PTPRD: variants seen among roughly 807,000 people sequenced by gnomAD.
The protein encoded by PTPRD is protein tyrosine phosphatase receptor type D.
A neutral mutation model predicts 214.5 loss-of-function variants in PTPRD; 34 were observed. That is an observed-to-expected ratio of 0.16 (90% confidence interval 0.12 to 0.21). The LOEUF (loss-of-function observed/expected upper bound fraction) is 0.21. Among genes scored for constraint, PTPRD ranks in the 10% least tolerant of loss-of-function variants. The probability of loss-of-function intolerance (pLI) is 1.00; values close to 1 mark genes in which losing one functional copy is unlikely to be tolerated. For missense variants in PTPRD, 2,545 were observed against 2,398.7 expected, an observed-to-expected ratio of 1.06 and a Z score of -1.27; for synonymous variants, 1,128 against 845.7, an observed-to-expected ratio of 1.33 and a Z score of -5.79.
intron 9 of PTPRD, among the ~76,000 whole-genome samples, chr9:9,230,174 TG>T (rs1436803467): frequency 6.6e-6 from 1 of 151,944 alleles, no homozygotes; most frequent in Admixed American, 6.6e-5. Context: ...AATGAGACAA[TG>T]GGGGTGGGTG....
intron 3 of PTPRD, among the ~76,000 whole-genome samples, chr9:10,163,960 G>A (rs912181740): frequency 1.3e-5 from 2 of 151,310 alleles, no homozygotes; most frequent in Admixed American, 1.3e-4. Flanking sequence ...AAGTAAATGT[G>A]TATTGTAGTC....
At chr9:10,156,768 A>G (rs2099095907) in intron 3 of PTPRD, among the ~76,000 whole-genome samples, 1 of 152,144 alleles carries the variant, frequency 6.6e-6, no homozygotes, top group Non-Finnish European at 1.5e-5. Context: ...ATGGGAGTCT[A>G]AGTCTCTTGG....
At chr9:8,686,142 A>G (rs2097676661) in intron 12 of PTPRD, among the ~76,000 whole-genome samples, 2 of 152,258 alleles carry the variant, frequency 1.3e-5, no homozygotes, top group African/African-American at 4.8e-5. Context: ...ACAGCGTACA[A>G]TATGACTCAA....
intron 9 of PTPRD, among the ~76,000 whole-genome samples, chr9:9,372,620 G>A (rs1358539501): frequency 6.6e-6 from 1 of 152,036 alleles, no homozygotes; most frequent in Non-Finnish European, 1.5e-5. Context: ...TACGTTTAAG[G>A]TTAATATTGT....
chr9:9,664,710 A>G (rs948549801), intron 7 of PTPRD, among the ~76,000 whole-genome samples: 3 of 151,708 alleles, frequency 2.0e-5, no homozygotes, highest in Non-Finnish European at 4.4e-5. Context: ...AAGTATTATT[A>G]CTTAAGCAGA....
chr9:8,968,890 C>T (rs938183346), intron 11 of PTPRD, among the ~76,000 whole-genome samples: 4 of 152,008 alleles, frequency 2.6e-5, no homozygotes, highest in African/African-American at 9.7e-5. Context: ...GATTTTTATT[C>T]ACTGAAGATT....
chr9:9,325,381 G>A (rs1445936539), intron 9 of PTPRD, among the ~76,000 whole-genome samples: 1 of 152,114 alleles, frequency 6.6e-6, no homozygotes, highest in Non-Finnish European at 1.5e-5. Context: ...GCAGTGGTTT[G>A]TAGTTCTCCT....
intron 3 of PTPRD, among the ~76,000 whole-genome samples, chr9:10,258,975 T>C (rs1356488008): frequency 6.6e-6 from 1 of 152,170 alleles, no homozygotes; most frequent in South Asian, 2.1e-4. Flanking sequence ...TTTAAAGGTA[T>C]CTGTTTCTGT....
intron 10 of PTPRD, among the ~76,000 whole-genome samples, chr9:9,098,433 G>C (rs755137488): frequency 6.6e-6 from 1 of 152,046 alleles, no homozygotes; most frequent in African/African-American, 2.4e-5. Flanking sequence ...ATTTTTAGTA[G>C]AGACAGGGTT....
At chr9:9,828,868 G>A (rs2053883833) in intron 5 of PTPRD, among the ~76,000 whole-genome samples, 1 of 151,772 alleles carries the variant, frequency 6.6e-6, no homozygotes. Context: ...ATTAGATGGT[G>A]CTCACTTCCA....
intron 3 of PTPRD, among the ~76,000 whole-genome samples, chr9:10,297,214 G>A (rs537500840): frequency 3.3e-5 from 5 of 151,032 alleles, no homozygotes; most frequent in African/African-American, 1.2e-4. Context: ...GCCATGTTGT[G>A]TGCTGCAACT....
intron 12 of PTPRD, among the ~76,000 whole-genome samples, chr9:8,688,310 T>TA (rs2097727445): frequency 6.6e-6 from 1 of 152,210 alleles, no homozygotes; most frequent in African/African-American, 2.4e-5. Context: ...CTGACGCCTG[T>TA]AATCCCAGCG....
At chr9:9,802,120 C>T (rs961206767) in intron 5 of PTPRD, among the ~76,000 whole-genome samples, 11 of 151,996 alleles carry the variant, frequency 7.2e-5, no homozygotes, top group African/African-American at 2.7e-4. Context: ...TATTGTGTTT[C>T]ATCTCCTTGA....
chr9:10,522,110 G>A (rs2134225694), intron 2 of PTPRD, among the ~76,000 whole-genome samples: 1 of 152,172 alleles, frequency 6.6e-6, no homozygotes, highest in Non-Finnish European at 1.5e-5. Flanking sequence ...GGTACTGGTG[G>A]TACCTGACTT....
chr9:9,079,550 G>GT (rs1203851181), intron 10 of PTPRD, among the ~76,000 whole-genome samples: 2 of 152,018 alleles, frequency 1.3e-5, no homozygotes, highest in African/African-American at 4.8e-5. Context: ...AGTTGCATTT[G>GT]TAGTTGTTTG....
At chr9:10,596,932 CAA>C (rs1462578439) in intron 2 of PTPRD, among the ~76,000 whole-genome samples, 1 of 151,310 alleles carries the variant, frequency 6.6e-6, no homozygotes, top group Non-Finnish European at 1.5e-5. Context: ...GTAATTTTCC[CAA>C]GTTAATCAAA....
intron 8 of PTPRD, among the ~76,000 whole-genome samples, chr9:9,548,672 A>AT (rs1283463715): frequency 6.6e-6 from 1 of 151,870 alleles, no homozygotes; most frequent in Admixed American, 6.6e-5. Flanking sequence ...CAAAAGTATG[A>AT]TAAAAAACGA....
At chr9:9,841,249 T>A (rs2058266210) in intron 5 of PTPRD, among the ~76,000 whole-genome samples, 1 of 152,114 alleles carries the variant, frequency 6.6e-6, no homozygotes, top group Admixed American at 6.6e-5. Flanking sequence ...AATGTACATA[T>A]TGGTATACAT....
At chr9:10,389,457 C>T (rs138432405) in intron 2 of PTPRD, among the ~76,000 whole-genome samples, 1 of 151,860 alleles carries the variant, frequency 6.6e-6, no homozygotes, top group African/African-American at 2.4e-5. Flanking sequence ...TCAATGCCAG[C>T]AATCCACACA....
Sources: gnomAD v4.1 joint callset for allele counts (sites outside exome capture counted in the v4.1 genomes callset) on GRCh38, gnomAD v4.1.1 for gene constraint, MANE v1.5 for transcripts, NCBI Gene and HGNC (gene_info 2026-07-23, HGNC 2026-07-21) for gene names.